EFNA5: variants seen among roughly 807,000 people sequenced by gnomAD.
EFNA5 encodes ephrin A5, also known as ephrin-A5.
In EFNA5, 5 loss-of-function variants were observed where a neutral mutation model predicts 22.9. The observed-to-expected ratio is 0.22, with a 90% CI of 0.11 to 0.46. The LOEUF (loss-of-function observed/expected upper bound fraction) is 0.46. EFNA5 is among the 20% of genes least tolerant of loss of function. The pLI, the probability that EFNA5 is intolerant of heterozygous loss-of-function variation, is 0.99. For missense variants in EFNA5, 237 were observed against 293.3 expected (o/e 0.81, Z 1.40); for synonymous variants, 113 against 112.2 (o/e 1.01, Z -0.04).
chr5:107,406,433 T>C (rs1045785130), intron 2 of EFNA5, among the ~76,000 whole-genome samples: 2 of 152,054 alleles, frequency 1.3e-5, no homozygotes, highest in Non-Finnish European at 2.9e-5. Context: ...TGTTTTTCTG[T>C]TCTCTCCACC....
chr5:107,524,287 A>C (rs540923337), intron 1 of EFNA5, among the ~76,000 whole-genome samples: 1 of 152,324 alleles, frequency 6.6e-6, no homozygotes, highest in South Asian at 2.1e-4. Context: ...CATTGTGGGC[A>C]CCAGCTGTCC....
At chr5:107,471,834 T>C (rs1205302114) in intron 1 of EFNA5, among the ~76,000 whole-genome samples, 2 of 152,248 alleles carry the variant, frequency 1.3e-5, no homozygotes, top group Non-Finnish European at 2.9e-5. Flanking sequence ...TTCTCCTTCA[T>C]AGCTTGGTGT....
intron 1 of EFNA5, among the ~76,000 whole-genome samples, chr5:107,623,009 C>T (rs1449317712): frequency 2.8e-5 from 3 of 108,738 alleles, no homozygotes; most frequent in African/African-American, 7.3e-5. Context: ...GCCTGGGTGA[C>T]AGAGCGAGAC....
At chr5:107,497,190 AT>A (rs1210199481) in intron 1 of EFNA5, among the ~76,000 whole-genome samples, 1 of 152,246 alleles carries the variant, frequency 6.6e-6, no homozygotes, top group Non-Finnish European at 1.5e-5. Flanking sequence ...TTTATAAAAA[AT>A]TGTTGATGTA....
chr5:107,601,649 A>G (rs1000266559), intron 1 of EFNA5, among the ~76,000 whole-genome samples: 14 of 152,242 alleles, frequency 9.2e-5, no homozygotes, highest in African/African-American at 2.9e-4. Context: ...ACTGACATTA[A>G]TAATACTTGC....
At chr5:107,593,432 T>A (rs1217114113) in intron 1 of EFNA5, among the ~76,000 whole-genome samples, 1 of 152,316 alleles carries the variant, frequency 6.6e-6, no homozygotes, top group African/African-American at 2.4e-5. Flanking sequence ...AAGACTACGA[T>A]AGGAAACAGC....
At chr5:107,509,377 G>A (rs1300550331) in intron 1 of EFNA5, among the ~76,000 whole-genome samples, 5 of 150,912 alleles carry the variant, frequency 3.3e-5, no homozygotes, top group Admixed American at 1.3e-4. Context: ...GCAGTGCAAT[G>A]GTGCGATCTC....
At position 107,592,014 on chromosome 5, in the gene EFNA5, TAA is replaced by T. The variant is rs1561443242; in HGVS notation, c.125+78473_125+78474del. On this transcript the variant is annotated intron_variant, in intron 1 of 4. Coordinates refer to ENST00000333274, the MANE Select transcript of EFNA5 (RefSeq NM_001962.3). ...TAATATATATAATATATAATATATA[TAA>T]TATAATATATATTATATATTATATA... 1.1e-3 allele frequency among the ~76,000 whole-genome samples: 47 copies of T among 43,158 alleles called. 1 individual carries two copies. Among genetic ancestry groups the T allele is most frequent in the African/African-American group, 6.5e-3 (44 of 6,718 alleles). The allele number at this position is 43,158 out of a possible 152,430, so 28.3% of individuals were successfully genotyped here. A position where few individuals can be genotyped will look rare whatever the true frequency, so the allele number is the denominator to read the frequency against.
intron 1 of EFNA5, among the ~76,000 whole-genome samples, chr5:107,495,364 G>A (rs1370056404): frequency 1.3e-5 from 2 of 151,926 alleles, no homozygotes; most frequent in Non-Finnish European, 2.9e-5. Flanking sequence ...GCGAGACCAC[G>A]AATCCAACAG....
intron 1 of EFNA5, among the ~76,000 whole-genome samples, chr5:107,560,350 C>T (rs1271434721): frequency 6.6e-6 from 1 of 152,128 alleles, no homozygotes; most frequent in African/African-American, 2.4e-5. Context: ...CACCTGATTC[C>T]TTAAACAAAG....
At chr5:107,496,349 A>C (rs1267109408) in intron 1 of EFNA5, among the ~76,000 whole-genome samples, 18 of 149,830 alleles carry the variant, frequency 1.2e-4, no homozygotes, top group South Asian at 6.3e-4. Context: ...AAAAAAAAAA[A>C]AAAACAAAAA....
intron 2 of EFNA5, among the ~76,000 whole-genome samples, chr5:107,413,626 T>C (rs1748428399): frequency 6.6e-6 from 1 of 152,230 alleles, no homozygotes; most frequent in Non-Finnish European, 1.5e-5. Context: ...TTTTCTATTT[T>C]TATGTGGCTT....
chr5:107,525,422 C>A (rs1747674728), intron 1 of EFNA5, among the ~76,000 whole-genome samples: 1 of 152,148 alleles, frequency 6.6e-6, no homozygotes, highest in Non-Finnish European at 1.5e-5. Flanking sequence ...GAGCACCTTA[C>A]ATTTGACCAA....
chr5:107,387,938 C>T (rs1332964513), intron 2 of EFNA5, among the ~76,000 whole-genome samples, 167 bp from the exon 3 acceptor site: 1 of 152,206 alleles, frequency 6.6e-6, no homozygotes, highest in South Asian at 2.1e-4. Flanking sequence ...TTTCAGGTCT[C>T]ACTGCTATAG....
At chr5:107,383,366 T>C (rs1171393516) in intron 4 of EFNA5, among the ~76,000 whole-genome samples, 2 of 152,242 alleles carry the variant, frequency 1.3e-5, no homozygotes, top group Non-Finnish European at 2.9e-5. Context: ...TTCTATTCTC[T>C]GCTCTTTTTC....
rs566193096 is a variant in EFNA5, at chr5:107,380,525, TTC to T, written c.*728_*729del. On this transcript the variant is annotated 3_prime_UTR_variant, in exon 5 of 5. Coordinates refer to ENST00000333274, the MANE Select transcript of EFNA5 (RefSeq NM_001962.3). ...ACACACCCCCAGCAAACCTGTAGTTTTCTCTGTTTTCACACCTGCTCTGTATT... is the reference window on the plus strand; with the variant it reads ...ACACACCCCCAGCAAACCTGTAGTTTTCTGTTTTCACACCTGCTCTGTATT... The T allele has an allele frequency of 8.9e-5, 30 of 336,258 alleles. No homozygotes were observed. The highest frequency in any genetic ancestry group is 1.2e-4 in the Non-Finnish European group (22 of 188,066). The allele number at this position is 336,258 out of a possible 1,614,324, so 20.8% of individuals were successfully genotyped here. A position where few individuals can be genotyped will look rare whatever the true frequency, so the allele number is the denominator to read the frequency against.
chr5:107,576,147 G>C (rs542774640), intron 1 of EFNA5, among the ~76,000 whole-genome samples: 1 of 152,144 alleles, frequency 6.6e-6, no homozygotes, highest in South Asian at 2.1e-4. Flanking sequence ...TGTTGTAAAT[G>C]GATGTTTTCT....
intron 2 of EFNA5, among the ~76,000 whole-genome samples, chr5:107,417,176 T>A (rs377637590): frequency 6.6e-6 from 1 of 152,164 alleles, no homozygotes; most frequent in Non-Finnish European, 1.5e-5. Context: ...AAACTAAAAC[T>A]TAGCTAACAT....
At chr5:107,571,485 C>T (rs1580536449) in intron 1 of EFNA5, among the ~76,000 whole-genome samples, 1 of 66,758 alleles carries the variant, frequency 1.5e-5, no homozygotes, top group Admixed American at 2.2e-4. Flanking sequence ...TCCTCAATCA[C>T]CCCCTCGTGC....
Sources: allele counts gnomAD v4.1 joint callset (sites outside exome capture counted in the v4.1 genomes callset), GRCh38; gene constraint gnomAD v4.1.1; transcripts MANE v1.5; gene names NCBI Gene and HGNC (gene_info 2026-07-23, HGNC 2026-07-21).